The following PDLIM5 variants were observed in gnomAD, a reference collection of about 807,000 sequenced individuals.
PDLIM5 encodes the protein PDZ and LIM domain protein 5.
PDLIM5 carries 34 observed loss-of-function variants against 64.2 expected under a neutral mutation model. The ratio of observed to expected loss-of-function variants is 0.53; its 90% CI spans 0.40 to 0.71. The LOEUF (loss-of-function observed/expected upper bound fraction) is 0.71. Ranked by LOEUF, PDLIM5 falls within the 30% of genes least tolerant of loss-of-function variation. PDLIM5 has a pLI of 0.00. For missense variants in PDLIM5, 683 were observed against 733.6 expected (o/e 0.93, Z 0.80); for synonymous variants, 253 against 269.1 (o/e 0.94, Z 0.59).
intron 9 of PDLIM5, among the ~76,000 whole-genome samples, chr4:94,641,720 A>AT (rs1280405395): frequency 2.0e-5 from 3 of 152,182 alleles, no homozygotes. Flanking sequence ...TTTAAATTGT[A>AT]TTTTTCAGAG....
chr4:94,649,923 G>A (rs1433268476), intron 9 of PDLIM5, among the ~76,000 whole-genome samples: 2 of 152,064 alleles, frequency 1.3e-5, no homozygotes, highest in African/African-American at 4.8e-5. Flanking sequence ...ATTTATTTTG[G>A]AGAAGCAAGT....
At chr4:94,610,550 T>A (rs1738288346) in intron 7 of PDLIM5, among the ~76,000 whole-genome samples, 1 of 152,224 alleles carries the variant, frequency 6.6e-6, no homozygotes, top group Non-Finnish European at 1.5e-5. Context: ...CTCAGTTGCG[T>A]GAATTATTAC....
At chr4:94,604,118 C>T (rs1454213421) in intron 7 of PDLIM5, among the ~76,000 whole-genome samples, 1 of 151,990 alleles carries the variant, frequency 6.6e-6, no homozygotes. Flanking sequence ...AAGCCTAGGA[C>T]AGAGAACTCT....
At chr4:94,484,678 G>T (rs1208548406) in intron 2 of PDLIM5, among the ~76,000 whole-genome samples, 1 of 152,182 alleles carries the variant, frequency 6.6e-6, no homozygotes, top group Admixed American at 6.5e-5. Flanking sequence ...TAAGAACCAT[G>T]TAGGGGTTTG....
intron 2 of PDLIM5, among the ~76,000 whole-genome samples, chr4:94,474,076 A>G (rs540823508): frequency 6.6e-6 from 1 of 152,356 alleles, no homozygotes; most frequent in African/African-American, 2.4e-5. Flanking sequence ...CACCAAAGTA[A>G]CATGCAGATT....
intron 5 of PDLIM5, chr4:94,579,600 GC>G: frequency 1.2e-6 from 1 of 855,566 alleles, no homozygotes; most frequent in Non-Finnish European, 1.7e-6. Context: ...CAGCATGAAT[GC>G]CTGATTTTTG....
intron 2 of PDLIM5, among the ~76,000 whole-genome samples, chr4:94,496,165 C>G (rs1020057258): frequency 2.6e-5 from 4 of 151,868 alleles, no homozygotes; most frequent in Non-Finnish European, 5.9e-5. Context: ...TTACATATAA[C>G]CAATTGTCTA....
At chr4:94,546,185 G>T (rs1406174612) in intron 3 of PDLIM5, among the ~76,000 whole-genome samples, 1 of 152,146 alleles carries the variant, frequency 6.6e-6, no homozygotes, top group Non-Finnish European at 1.5e-5. Context: ...TGAACGTTAT[G>T]ATGGATTTTT....
chr4:94,454,388 C>T (rs72874745), intron 1 of PDLIM5, among the ~76,000 whole-genome samples: 2,919 of 149,790 alleles, frequency 0.019, 73 homozygotes, highest in African/African-American at 0.062. Context: ...AGTCATCACA[C>T]GCACACTTAA....
intron 3 of PDLIM5, among the ~76,000 whole-genome samples, chr4:94,556,528 T>TA (rs1733343359): frequency 6.6e-6 from 1 of 152,208 alleles, no homozygotes; most frequent in African/African-American, 2.4e-5. Context: ...ACCAACAGTG[T>TA]AAAAGTGTTC....
intron 9 of PDLIM5, among the ~76,000 whole-genome samples, chr4:94,643,212 T>A (rs1426415624): frequency 6.6e-6 from 1 of 152,200 alleles, no homozygotes. Context: ...TTTTTTGGTT[T>A]ATTTGAATTG....
intron 2 of PDLIM5, among the ~76,000 whole-genome samples, chr4:94,511,160 G>T (rs939315177): frequency 3.3e-5 from 5 of 152,176 alleles, no homozygotes; most frequent in African/African-American, 1.2e-4. Context: ...GCTAGAATTG[G>T]CCTCAGGTTT....
chr4:94,592,664 G>A (rs1736754684), intron 7 of PDLIM5, among the ~76,000 whole-genome samples: 1 of 152,130 alleles, frequency 6.6e-6, no homozygotes, highest in South Asian at 2.1e-4. Context: ...GTCTCGCTTT[G>A]TCACCCAGGC....
chr4:94,539,770 C>T (rs548291685), intron 3 of PDLIM5, among the ~76,000 whole-genome samples: 4 of 152,090 alleles, frequency 2.6e-5, no homozygotes, highest in Non-Finnish European at 5.9e-5. Flanking sequence ...AGAGGCCATT[C>T]TAGGCAGAGA....
At position 94,530,510 on chromosome 4, in the gene PDLIM5, A is replaced by AATATAT. The variant is rs36209951; in HGVS notation, c.248+6667_248+6672dup. ...TAAATTAATCCTCTTGGAATCACAG[A>AATATAT]ATATATATATATATATATATATATA... is the stretch of plus-strand genomic sequence containing the variant. On this transcript the variant is annotated intron_variant, in intron 3 of 12. Coordinates refer to ENST00000317968, the MANE Select transcript of PDLIM5 (RefSeq NM_006457.5). Among the ~76,000 whole-genome samples, 522 of 140,492 alleles carry AATATAT rather than the reference A, an allele frequency of 3.7e-3. 4 individuals are homozygous for AATATAT. The highest frequency in any genetic ancestry group is 0.012 in the South Asian group (52 of 4,430). 92.2% of individuals were successfully genotyped at this position (140,492 alleles called of 152,430 possible).
At chr4:94,478,255 CAAA>C (rs1156675410) in intron 2 of PDLIM5, among the ~76,000 whole-genome samples, 1,522 of 74,474 alleles carry the variant, frequency 0.02, 30 homozygotes, top group African/African-American at 0.049. Context: ...GACTCCGTCT[CAAA>C]AAAAAAAAAA....
chr4:94,639,689 A>G lies in PDLIM5; in HGVS notation c.1109-587A>G, dbSNP rs1009838012. Among the ~76,000 whole-genome samples the G allele has an allele frequency of 4.6e-5, 7 of 152,220 alleles. No individual in the cohort carries two copies. The East Asian group carries it at 1.3e-3, about 29-fold the overall frequency. On this transcript the variant is annotated intron_variant, in intron 8 of 12. Coordinates refer to ENST00000317968, the MANE Select transcript of PDLIM5 (RefSeq NM_006457.5). ...ATACATTGGGATTTTTAATACATCTATGACTATATTTGGAATTAAATCTAA... is the reference window on the plus strand; with the variant it reads ...ATACATTGGGATTTTTAATACATCTGTGACTATATTTGGAATTAAATCTAA...
intron 2 of PDLIM5, among the ~76,000 whole-genome samples, chr4:94,470,688 T>C (rs1724793466): frequency 1.3e-5 from 2 of 152,148 alleles, no homozygotes; most frequent in Non-Finnish European, 2.9e-5. Context: ...TAAATTCAGA[T>C]TTTCAGCCTT....
intron 2 of PDLIM5, among the ~76,000 whole-genome samples, chr4:94,498,371 T>C (rs940163078): frequency 5.3e-5 from 8 of 152,206 alleles, no homozygotes; most frequent in African/African-American, 1.9e-4. Context: ...AGTTCACGAC[T>C]TTCACACATA....
Sources: allele counts gnomAD v4.1 joint callset (sites outside exome capture counted in the v4.1 genomes callset), GRCh38; gene constraint gnomAD v4.1.1; transcripts MANE v1.5; gene names NCBI Gene and HGNC (gene_info 2026-07-23, HGNC 2026-07-21).